The following ELMOD3 variants were observed in gnomAD, a reference collection of about 807,000 sequenced individuals.
The protein encoded by ELMOD3 is ELMO domain containing 3.
In ELMOD3, 36 loss-of-function variants were observed where a neutral mutation model predicts 47.4. That is an observed-to-expected ratio of 0.76 (90% CI 0.58 to 1.00). The LOEUF (loss-of-function observed/expected upper bound fraction) is 1.00, where lower values mean the gene tolerates loss of function less well. Among genes scored for constraint, ELMOD3 ranks in the 50% least tolerant of loss-of-function variants. The pLI is 0.00. For missense variants in ELMOD3, 404 were observed against 463.8 expected, an observed-to-expected ratio of 0.87 and a Z score of 1.18; for synonymous variants, 149 against 183.5, an observed-to-expected ratio of 0.81 and a Z score of 1.52.
chr2:85,390,229 C>T lies in ELMOD3; in HGVS notation c.907C>T (p.Arg303Trp), dbSNP rs760213745. The change falls in exon 13 of 14, where the codon CGG (arginine) becomes TGG (tryptophan). Residue 303 changes from arginine to tryptophan, a missense_variant. Physicochemically the swap from Arg to Trp is moderately radical, Grantham distance 101 (BLOSUM62 -3). Transcript: ENST00000409013. ...CCTCGCACATGTCTGGAGGACACAG[C>T]GGAAGACCATCTCAGACTCGGGCTT... ...LHLAHVWRTQRKTISDSGFVL... is the reference protein window; with the variant it reads ...LHLAHVWRTQWKTISDSGFVL... 2.2e-5 allele frequency: 36 copies of T among 1,614,028 alleles called. No homozygotes were observed. Among genetic ancestry groups the T allele is most frequent in the East Asian group, 4.5e-5 (2 of 44,888 alleles).
chr2:85,357,513 C>G (rs549008757), intron 4 of ELMOD3: 15 of 335,320 alleles, frequency 4.5e-5, no homozygotes, highest in South Asian at 2.3e-4. Context: ...CCCAAGAAAT[C>G]TGTATTTCAT....
chr2:85,358,678 G>A (rs796628641), intron 4 of ELMOD3, among the ~76,000 whole-genome samples: 4 of 151,786 alleles, frequency 2.6e-5, no homozygotes, highest in African/African-American at 9.7e-5. Flanking sequence ...ATGAGCATTA[G>A]TTGGAAAGGC....
At chr2:85,375,160 G>T (rs1685082406) in intron 10 of ELMOD3, among the ~76,000 whole-genome samples, 1 of 152,138 alleles carries the variant, frequency 6.6e-6, no homozygotes, top group Admixed American at 6.5e-5. Context: ...GATTTATTTG[G>T]GCCTCTCCTG....
intron 11 of ELMOD3, among the ~76,000 whole-genome samples, chr2:85,379,559 T>G (rs1685406983): frequency 6.6e-6 from 1 of 152,210 alleles, no homozygotes; most frequent in Non-Finnish European, 1.5e-5. Flanking sequence ...CAGCCCAAAC[T>G]GTAGAAAATT....
intron 8 of ELMOD3, 118 bp from the exon 9 acceptor site, chr2:85,370,968 A>G (rs1684747136): frequency 8.0e-7 from 1 of 1,250,166 alleles, no homozygotes; most frequent in Non-Finnish European, 1.1e-6. Context: ...CCCAAAGGCC[A>G]GCCAGATAGC....
At chr2:85,359,405 C>CTTTTT (rs765640567) in intron 4 of ELMOD3, among the ~76,000 whole-genome samples, 8 of 106,992 alleles carry the variant, frequency 7.5e-5, no homozygotes, top group East Asian at 2.3e-4. Flanking sequence ...TTACATGACT[C>CTTTTT]TTTTTTTTTT....
rs1223221251 is a variant in ELMOD3 at position 85,371,549 on chromosome 2, C to T, written c.594C>T (p.Asp198=). ...CCCTTCATGGAAACCACTGGGAGGA[C>T]CTGGGCTTTCAGGGTAAGAGGGAGG... ...DCALHGNHWE[D]LGFQGANPAT... is the part of the protein sequence containing the mutation. The change falls in exon 10 of 14, where the codon GAC becomes GAT. Residue 198 remains aspartate (D), a synonymous_variant. Transcript: ENST00000409013. 1.2e-6 allele frequency: 2 copies of T among 1,614,146 alleles called. No individual in the cohort carries two copies. The highest frequency in any genetic ancestry group is 1.7e-6 in the Non-Finnish European group (2 of 1,180,022).
intron 7 of ELMOD3, among the ~76,000 whole-genome samples, chr2:85,369,056 G>A (rs1684603020): frequency 6.6e-6 from 1 of 152,214 alleles, no homozygotes; most frequent in Non-Finnish European, 1.5e-5. Context: ...AGAGTGGCAA[G>A]GCTGGGTAGG....
chr2:85,366,815 A>T (rs1684418952), intron 6 of ELMOD3, among the ~76,000 whole-genome samples: 1 of 152,206 alleles, frequency 6.6e-6, no homozygotes, highest in African/African-American at 2.4e-5. Context: ...TTGTCATGTG[A>T]TGTCCTCAGC....
intron 4 of ELMOD3, among the ~76,000 whole-genome samples, chr2:85,358,591 A>C (rs1683723533): frequency 6.6e-6 from 1 of 152,172 alleles, no homozygotes; most frequent in South Asian, 2.1e-4. Flanking sequence ...CTCCTTTACC[A>C]GGGAGCTTGG....
intron 10 of ELMOD3, 94 bp downstream of exon 10, chr2:85,371,656 G>A (rs1684796774): frequency 1.3e-6 from 2 of 1,543,738 alleles, no homozygotes; most frequent in Admixed American, 1.8e-5. Context: ...GCTATGAGGG[G>A]GAAGATCTTG....
In ELMOD3 at chr2:85,376,197, T is replaced by C. The variant is rs1416900833; in HGVS notation, c.608-1147T>C. Among the ~76,000 whole-genome samples the C allele has an allele frequency of 6.6e-6, 1 of 152,254 alleles. No individual in the cohort carries two copies. The highest frequency in any genetic ancestry group is 1.9e-4 in the East Asian group (1 of 5,198). On this transcript the variant is annotated intron_variant, in intron 10 of 13. Coordinates refer to ENST00000409013, the MANE Select transcript of ELMOD3 (RefSeq NM_001135022.2). The surrounding 1 kb of genome is among the most constrained non-coding windows in gnomAD (Gnocchi z 4.2). Reference sequence around the variant, plus strand: ...ACTGTGTCATCTCTGTTGGTGTCTGTTGATCATCTTTTCTCATTCGAATTG... The same window carrying C: ...ACTGTGTCATCTCTGTTGGTGTCTGCTGATCATCTTTTCTCATTCGAATTG...
At chr2:85,387,100 T>G (rs574396349) in intron 11 of ELMOD3, 6 of 1,301,670 alleles carry the variant, frequency 4.6e-6, no homozygotes, top group African/African-American at 1.5e-5. Context: ...ATTTTTAGAT[T>G]GAAAGAAATC....
intron 11 of ELMOD3, among the ~76,000 whole-genome samples, chr2:85,381,554 G>C (rs757717689): frequency 5.3e-5 from 8 of 152,186 alleles, no homozygotes; most frequent in Non-Finnish European, 1.5e-5. Flanking sequence ...AATGCTTCAA[G>C]AAAATCTTGT....
chr2:85,377,537 G>A (rs759362515), intron 11 of ELMOD3, 63 bp downstream of exon 11: 192 of 1,529,940 alleles, frequency 1.3e-4, no homozygotes, highest in Admixed American at 1.6e-4. Flanking sequence ...CTGAGTGGCC[G>A]AGAGGGCTCC....
At chr2:85,364,549 A>T (rs1684214532) in intron 6 of ELMOD3, among the ~76,000 whole-genome samples, 1 of 150,572 alleles carries the variant, frequency 6.6e-6, no homozygotes, top group Non-Finnish European at 1.5e-5. Flanking sequence ...ATGCCACTGT[A>T]CTGCACCCTG....
At chr2:85,382,467 C>T (rs916709902) in intron 11 of ELMOD3, among the ~76,000 whole-genome samples, 17 of 150,128 alleles carry the variant, frequency 1.1e-4, no homozygotes, top group Non-Finnish European at 1.8e-4. Context: ...TGGCAGGACA[C>T]GGTGTTCCTT....
At chr2:85,368,323 G>A (rs1343536321) in intron 6 of ELMOD3, 7 of 222,064 alleles carry the variant, frequency 3.2e-5, no homozygotes, top group Non-Finnish European at 5.5e-5. Flanking sequence ...AGGTACTCAG[G>A]AGGCTGAGGC....
chr2:85,389,856 G>A (rs764687793), intron 12 of ELMOD3, 29 bp downstream of exon 12: 14 of 1,590,862 alleles, frequency 8.8e-6, no homozygotes, highest in Middle Eastern at 1.7e-4. Flanking sequence ...GCTGGTTAGA[G>A]TGACCCAGCA....
Sources: gnomAD v4.1 joint callset for allele counts (sites outside exome capture counted in the v4.1 genomes callset) on GRCh38, gnomAD v4.1.1 for gene constraint, Gnocchi (gnomAD v3.1) non-coding constraint, MANE v1.5 for transcripts, NCBI Gene and HGNC (gene_info 2026-07-23, HGNC 2026-07-21) for gene names.